Variants in CACNA1C observed in about 807,000 individuals in gnomAD.
CACNA1C encodes the protein voltage-dependent L-type calcium channel subunit alpha-1C.
In CACNA1C, 30 loss-of-function variants were observed where a neutral mutation model predicts 229.0. The observed-to-expected ratio is 0.13, with a 90% confidence interval of 0.10 to 0.18. The LOEUF is 0.18. CACNA1C is among the 10% of genes least tolerant of loss of function. The pLI, the probability that CACNA1C is intolerant of heterozygous loss-of-function variation, is 1.00. For missense variants in CACNA1C, 1,658 were observed against 2,845.0 expected (o/e 0.58, Z 9.49); for synonymous variants, 1,114 against 1,132.5 (o/e 0.98, Z 0.33).
intron 11 of CACNA1C, among the ~76,000 whole-genome samples, chr12:2,558,899 A>G (rs2046008261): frequency 1.3e-5 from 2 of 152,196 alleles, no homozygotes; most frequent in African/African-American, 4.8e-5. Flanking sequence ...GGTCAGGCCC[A>G]TCCACTCTAG....
At chr12:1,986,667 A>AT (rs71057813) in intron 1 of CACNA1C, among the ~76,000 whole-genome samples, 103,784 of 149,790 alleles carry the variant, frequency 0.69, 36,498 homozygotes, top group African/African-American at 0.83. Flanking sequence ...AGGTTTTGTT[A>AT]TTTTTTTTTT....
At chr12:2,336,121 G>A (rs1335455469) in intron 3 of CACNA1C, among the ~76,000 whole-genome samples, 1 of 151,578 alleles carries the variant, frequency 6.6e-6, no homozygotes, top group African/African-American at 2.4e-5. Flanking sequence ...GAGAGAAACT[G>A]GCAAAGCATG....
chr12:2,119,794 TGAGA>T (rs1363293440), intron 2 of CACNA1C, among the ~76,000 whole-genome samples: 1 of 152,204 alleles, frequency 6.6e-6, no homozygotes, highest in Admixed American at 6.5e-5. Context: ...TGCCAGAGAA[TGAGA>T]GAGAAGAAAT....
intron 3 of CACNA1C, among the ~76,000 whole-genome samples, chr12:2,420,102 G>GGTGTGT (rs564990323): frequency 0.031 from 3,924 of 125,448 alleles, 261 homozygotes; most frequent in African/African-American, 0.1. Flanking sequence ...TAGGCAAAAT[G>GGTGTGT]GTGTGTGTGT....
intron 3 of CACNA1C, among the ~76,000 whole-genome samples, chr12:2,445,523 G>C: frequency 6.6e-6 from 1 of 152,068 alleles, no homozygotes; most frequent in East Asian, 1.9e-4. Context: ...GGCATGGATC[G>C]CAGGATAGGC....
At chr12:2,098,440 G>T (rs1457362809) in intron 1 of CACNA1C, among the ~76,000 whole-genome samples, 1 of 152,184 alleles carries the variant, frequency 6.6e-6, no homozygotes, top group Non-Finnish European at 1.5e-5. Flanking sequence ...GCACAAATAG[G>T]CTGTGTGTGG....
At chr12:2,435,600 C>T (rs533973465) in intron 3 of CACNA1C, among the ~76,000 whole-genome samples, 9 of 152,158 alleles carry the variant, frequency 5.9e-5, no homozygotes, top group African/African-American at 1.7e-4. Flanking sequence ...AGTTGCACCC[C>T]GAGTGCTGGG....
intron 13 of CACNA1C, among the ~76,000 whole-genome samples, chr12:2,572,663 C>T (rs1398622491): frequency 1.7e-5 from 2 of 117,212 alleles, no homozygotes; most frequent in Non-Finnish European, 3.5e-5. Context: ...CTCCTCTCTT[C>T]CTCCTCTTCC....
At chr12:2,232,252 T>TTTTTTTTTTTTTTTTTTTTTTTTTTTC (rs778723364) in intron 3 of CACNA1C, among the ~76,000 whole-genome samples, 1 of 130,758 alleles carries the variant, frequency 7.6e-6, no homozygotes, top group Non-Finnish European at 1.6e-5. Flanking sequence ...TTTTTTTTTT[T>TTTTTTTTTTTTTTTTTTTTTTTTTTTC]GTTTGTTTGT....
chr12:2,145,075 T>C (rs959099245), intron 3 of CACNA1C, among the ~76,000 whole-genome samples: 2 of 151,324 alleles, frequency 1.3e-5, no homozygotes, highest in Admixed American at 6.6e-5. Flanking sequence ...AAAAAGTATA[T>C]GTGTTTAAGG....
intron 3 of CACNA1C, among the ~76,000 whole-genome samples, chr12:2,160,063 G>A (rs1344302564): frequency 6.6e-6 from 1 of 152,090 alleles, no homozygotes; most frequent in Non-Finnish European, 1.5e-5. Flanking sequence ...CCGTCCTGCT[G>A]GGATCCTATT....
intron 3 of CACNA1C, among the ~76,000 whole-genome samples, chr12:2,297,892 G>A (rs988937463): frequency 2.0e-5 from 3 of 151,986 alleles, no homozygotes; most frequent in African/African-American, 7.3e-5. Context: ...ACACACACAC[G>A]TGTGCACATG....
At position 2,226,147 on chromosome 12, in the gene CACNA1C, A is replaced by C. The variant is rs879941708; in HGVS notation, c.477+105717A>C. ...CGCGCACACACACACACACACACAC[A>C]CACACACACACACACACACACACAC... On this transcript the variant is annotated intron_variant, in intron 3 of 46. Coordinates refer to ENST00000399655, the MANE Select transcript of CACNA1C (RefSeq NM_000719.7). 9.8e-3 allele frequency among the ~76,000 whole-genome samples: 1,485 copies of C among 151,040 alleles called. 27 individuals are homozygous for C. The highest frequency in any genetic ancestry group is 0.027 in the African/African-American group (1,119 of 41,264).
chr12:2,659,813 A>T (rs2095613380), intron 34 of CACNA1C: 1 of 152,164 alleles, frequency 6.6e-6, no homozygotes, highest in South Asian at 2.1e-4. Flanking sequence ...TTTTAAAAAA[A>T]AACACAACAA....
At chr12:2,465,595 G>A (rs553631313) in intron 5 of CACNA1C, among the ~76,000 whole-genome samples, 3 of 152,274 alleles carry the variant, frequency 2.0e-5, no homozygotes, top group Admixed American at 6.5e-5. Flanking sequence ...ACAAAAGTCC[G>A]CAGTGAGCAG....
At chr12:2,582,988 GC>G (rs869288560) in intron 15 of CACNA1C, 46 bp downstream of exon 15, 1 of 1,374,812 alleles carries the variant, frequency 7.3e-7, no homozygotes, top group African/African-American at 1.5e-5. Flanking sequence ...CCAGCCCCCA[GC>G]CTGCAGCACA....
intron 1 of CACNA1C, among the ~76,000 whole-genome samples, chr12:2,017,399 A>C (rs1251911480): frequency 6.6e-6 from 1 of 152,244 alleles, no homozygotes; most frequent in Non-Finnish European, 1.5e-5. Flanking sequence ...AGCCCCTTCA[A>C]GAACGCTCAA....
intron 3 of CACNA1C, among the ~76,000 whole-genome samples, chr12:2,294,969 G>A (rs1050613079): frequency 6.6e-6 from 1 of 152,102 alleles, no homozygotes; most frequent in African/African-American, 2.4e-5. Flanking sequence ...TGCCTCTCCC[G>A]GGGAAGGGGT....
At chr12:2,669,614 A>T (rs995854276) in intron 38 of CACNA1C, among the ~76,000 whole-genome samples, 2 of 152,252 alleles carry the variant, frequency 1.3e-5, no homozygotes, top group Admixed American at 6.5e-5. Flanking sequence ...CACTGGCTAC[A>T]GGTGGGTGTC....
Sources: allele counts gnomAD v4.1 joint callset (sites outside exome capture counted in the v4.1 genomes callset), GRCh38; gene constraint gnomAD v4.1.1; transcripts MANE v1.5; gene names NCBI Gene and HGNC (gene_info 2026-07-23, HGNC 2026-07-21).